Variants in MBP observed in about 807,000 individuals in gnomAD.
MBP encodes the protein Golli-MBP.
A neutral mutation model predicts 35.8 loss-of-function variants in MBP; 16 were observed. The observed-to-expected ratio is 0.45, with a 90% CI of 0.30 to 0.68. The LOEUF (loss-of-function observed/expected upper bound fraction) is 0.68. Among genes scored for constraint, MBP ranks in the 30% least tolerant of loss-of-function variants. MBP has a pLI of 0.08. For synonymous variants in MBP, 143 were observed against 159.6 expected (o/e 0.90, Z 0.78); for missense variants, 380 against 404.7 (o/e 0.94, Z 0.52).
chr18:77,083,035 C>T (rs1975034624), intron 2 of MBP, among the ~76,000 whole-genome samples: 1 of 151,752 alleles, frequency 6.6e-6, no homozygotes, highest in East Asian at 1.9e-4. Flanking sequence ...AGTGAAGTGG[C>T]ACAATCTTAG....
At chr18:77,132,799 G>C (rs985859500), upstream of MBP, 1 of 152,160 alleles carries the variant, frequency 6.6e-6, no homozygotes, top group Non-Finnish European at 1.5e-5. Context: ...CGGCGGCTCC[G>C]AGGGACGGGC....
intron 3 of MBP, among the ~76,000 whole-genome samples, chr18:77,037,849 T>C (rs73968257): frequency 0.031 from 4,716 of 152,280 alleles, 249 homozygotes; most frequent in African/African-American, 0.1. Context: ...GCGACGGGCC[T>C]CCGAACAGGC....
chr18:77,017,595 C>T (rs533610135), intron 3 of MBP: 46 of 238,146 alleles, frequency 1.9e-4, no homozygotes, highest in Non-Finnish European at 3.0e-4. Context: ...TGGCTGCTCC[C>T]GGAGAGCCCA....
At chr18:77,116,654 T>C (rs1269073959) in intron 1 of MBP, among the ~76,000 whole-genome samples, 1 of 152,168 alleles carries the variant, frequency 6.6e-6, no homozygotes, top group Non-Finnish European at 1.5e-5. Flanking sequence ...GCCCGAGTAA[T>C]GCGTGACCAG....
At chr18:77,106,215 G>T (rs1388683454) in intron 1 of MBP, among the ~76,000 whole-genome samples, 1 of 152,214 alleles carries the variant, frequency 6.6e-6, no homozygotes, top group African/African-American at 2.4e-5. Flanking sequence ...TGAACACGGG[G>T]AGAGAGGACT....
chr18:77,070,080 C>T (rs1974374452), intron 2 of MBP, among the ~76,000 whole-genome samples: 1 of 152,126 alleles, frequency 6.6e-6, no homozygotes, highest in African/African-American at 2.4e-5. Context: ...GAACACATTT[C>T]CTGTAAGCAA....
At chr18:77,105,131 C>T (rs1976220314) in intron 2 of MBP, 80 bp downstream of exon 2, 9 of 1,378,784 alleles carry the variant, frequency 6.5e-6, no homozygotes, top group Admixed American at 5.1e-5. Flanking sequence ...AGCCCATGCC[C>T]GTAGCCTCTG....
chr18:77,075,500 T>C (rs1974614356), intron 2 of MBP, among the ~76,000 whole-genome samples: 1 of 152,028 alleles, frequency 6.6e-6, no homozygotes, highest in Non-Finnish European at 1.5e-5. Context: ...GGGCTGAAGG[T>C]GGAGTGGCGC....
At chr18:77,088,658 A>G (rs975522735) in intron 2 of MBP, among the ~76,000 whole-genome samples, 3 of 46,624 alleles carry the variant, frequency 6.4e-5, no homozygotes, top group Non-Finnish European at 1.0e-4. Flanking sequence ...TTATTTCTCT[A>G]AAACAAACTG....
At chr18:77,069,648 C>CT (rs1397257993) in intron 2 of MBP, among the ~76,000 whole-genome samples, 7 of 152,212 alleles carry the variant, frequency 4.6e-5, no homozygotes, top group African/African-American at 1.7e-4. Context: ...CAGCACTTTG[C>CT]TTTAAGTGCG....
At chr18:77,062,998 G>A (rs761829079) in intron 3 of MBP, among the ~76,000 whole-genome samples, 1 of 152,142 alleles carries the variant, frequency 6.6e-6, no homozygotes, top group Non-Finnish European at 1.5e-5. Context: ...ACCATCACAC[G>A]ATCACGGTGA....
chr18:77,009,320 GCAGAGCCCAGCTGAGCTCAGGTGAGGA>G (rs1351383196), intron 4 of MBP, among the ~76,000 whole-genome samples: 1 of 152,248 alleles, frequency 6.6e-6, no homozygotes, highest in Non-Finnish European at 1.5e-5. Flanking sequence ...CACTTCCTAT[GCAGAGCCCAGCTGAGCTCAGGTGAGGA>G]CAGAGCCCAG....
At chr18:77,089,608 C>T (rs1975419863) in intron 2 of MBP, among the ~76,000 whole-genome samples, 1 of 152,212 alleles carries the variant, frequency 6.6e-6, no homozygotes, top group Admixed American at 6.5e-5. Context: ...CTCCAGGTCC[C>T]TAAGAAAATA....
intron 3 of MBP, among the ~76,000 whole-genome samples, chr18:77,047,190 G>T (rs1973293777): frequency 2.0e-5 from 3 of 152,370 alleles, no homozygotes; most frequent in African/African-American, 7.2e-5. Context: ...GAACGCCAAG[G>T]CTCCGGCAGT....
At chr18:77,018,205 C>A (rs1438128451) in intron 3 of MBP, among the ~76,000 whole-genome samples, 1 of 149,672 alleles carries the variant, frequency 6.7e-6, no homozygotes. Context: ...ATCCATCCAT[C>A]CATGCATCCA....
intron 1 of MBP, among the ~76,000 whole-genome samples, chr18:77,119,896 G>A (rs1046710700): frequency 6.6e-6 from 1 of 152,198 alleles, no homozygotes; most frequent in Non-Finnish European, 1.5e-5. Context: ...CAGCTGCAAA[G>A]TCCCCAGGAG....
At chr18:77,094,045 C>T (rs1246457123) in intron 2 of MBP, among the ~76,000 whole-genome samples, 1 of 150,854 alleles carries the variant, frequency 6.6e-6, no homozygotes, top group East Asian at 2.0e-4. Flanking sequence ...GGTGCAATCT[C>T]GGCTCACTGC....
At chr18:77,009,802 G>T in intron 4 of MBP, 1 of 1,485,316 alleles carries the variant, frequency 6.7e-7, no homozygotes, top group Non-Finnish European at 9.1e-7. Context: ...TCAGGAAACG[G>T]CAGGTCACCC....
chr18:77,045,945 C>G (rs1237710368), intron 3 of MBP, among the ~76,000 whole-genome samples: 3 of 152,150 alleles, frequency 2.0e-5, no homozygotes, highest in Admixed American at 6.5e-5. Flanking sequence ...AATCCAGCTA[C>G]AAGACTGTGG....
Sources: allele counts gnomAD v4.1 joint callset (sites outside exome capture counted in the v4.1 genomes callset), GRCh38; gene constraint gnomAD v4.1.1; transcripts MANE v1.5; gene names NCBI Gene and HGNC (gene_info 2026-07-23, HGNC 2026-07-21).